EPHA7: variants seen among roughly 807,000 people sequenced by gnomAD.
The protein encoded by EPHA7 is ephrin type-A receptor 7.
In EPHA7, 25 loss-of-function variants were observed where a neutral mutation model predicts 112.6. That is an observed-to-expected ratio of 0.22 (90% confidence interval 0.16 to 0.31). EPHA7 has a LOEUF of 0.31. Ranked by LOEUF, EPHA7 falls within the 10% of genes least tolerant of loss-of-function variation. The probability of loss-of-function intolerance (pLI) is 1.00; values close to 1 mark genes in which losing one functional copy is unlikely to be tolerated. For missense variants in EPHA7, 962 were observed against 1,212.6 expected (o/e 0.79, Z 3.07); for synonymous variants, 437 against 406.5 (o/e 1.07, Z -0.90).
chr6:93,299,572 T>C (rs780673211), intron 5 of EPHA7, among the ~76,000 whole-genome samples: 1 of 152,122 alleles, frequency 6.6e-6, no homozygotes, highest in Non-Finnish European at 1.5e-5. Flanking sequence ...GAAAGCAGTG[T>C]GGTGATTCCT....
At chr6:93,379,035 T>C (rs1427606509) in intron 3 of EPHA7, among the ~76,000 whole-genome samples, 1 of 152,098 alleles carries the variant, frequency 6.6e-6, no homozygotes, top group African/African-American at 2.4e-5. Flanking sequence ...TGAATATGGC[T>C]GAAATGAATA....
rs9445103 is a variant in EPHA7 at position 93,412,683 on chromosome 6, C to T, written c.163-1513G>A. On this transcript the variant is annotated intron_variant, in intron 2 of 16. Transcript: ENST00000369303. ...TAACCAAATTCATCCATTTGGATGG[C>T]TAGATTTCAGTCTCTTAATTAGATT... Among the ~76,000 whole-genome samples, 3 of 151,962 alleles carry T rather than the reference C, an allele frequency of 2.0e-5. No homozygotes were observed. In the East Asian group the frequency reaches 5.8e-4, roughly 29 times the overall value.
In EPHA7 at chr6:93,419,352, C is replaced by T. The variant is rs762860161; in HGVS notation, c.-11G>A. 5 of 1,603,834 alleles carry T rather than the reference C, an allele frequency of 3.1e-6. No homozygotes were observed. The South Asian group carries it at 5.5e-5, about 18-fold the overall frequency. The stretch of plus-strand genomic sequence containing the variant: ...AGTTTGAAAAACCATGGTGCATGAG[C>T]AGGTTTTATTTTAGGTTTCAGTTAT... On this transcript the variant is annotated 5_prime_UTR_variant, in exon 1 of 17. Coordinates refer to ENST00000369303, the MANE Select transcript of EPHA7 (RefSeq NM_004440.4).
rs1770521941 is a variant in EPHA7 at position 93,258,131 on chromosome 6, T to C, written c.2078A>G (p.Asn693Ser). ...AACAACCCCTTCCAAATGGACAACATTCGGGTGGTCAAACTGCCCCATGAT... is the reference window on the plus strand; with the variant it reads ...AACAACCCCTTCCAAATGGACAACACTCGGGTGGTCAAACTGCCCCATGAT... ...ASIMGQFDHP[N>S]VVHLEGVVTR... Residue 693 changes from asparagine to serine, a missense_variant, in exon 11 of 17, where the codon AAT becomes AGT. By Grantham distance (46) the Asn-to-Ser change is conservative. This residue lies in a region of EPHA7 where 746 missense variants were observed against 889.2 expected (regional missense o/e 0.84). Transcript: ENST00000369303. 1.2e-6 allele frequency: 2 copies of C among 1,613,332 alleles called. No individual in the cohort carries two copies. The highest frequency in any genetic ancestry group is 1.3e-5 in the African/African-American group (1 of 74,872).
At chr6:93,301,014 T>C (rs1045645844) in intron 5 of EPHA7, among the ~76,000 whole-genome samples, 1 of 152,174 alleles carries the variant, frequency 6.6e-6, no homozygotes, top group Non-Finnish European at 1.5e-5. Context: ...TAAACATATG[T>C]AAACACAGAA....
intron 5 of EPHA7, among the ~76,000 whole-genome samples, chr6:93,293,078 TA>T (rs1420023378): frequency 8.5e-5 from 13 of 152,110 alleles, no homozygotes; most frequent in East Asian, 1.9e-4. Flanking sequence ...AATATTAAGT[TA>T]AAGATTTTTT....
In EPHA7 at chr6:93,410,602, T is replaced by C. The variant is rs989431209; in HGVS notation, c.731A>G (p.Asn244Ser). Residue 244 changes from asparagine to serine, a missense_variant, in exon 3 of 17, where the codon AAC becomes AGC. Asn to Ser is a conservative substitution (Grantham distance 46). Coordinates refer to ENST00000369303, the MANE Select transcript of EPHA7 (RefSeq NM_004440.4). This position sits in a 1 kb window ranked among gnomAD's most constrained non-coding sequence, Gnocchi z 4.0. ...TGCACTGCAGTGCATCCTGGGGGCG[T>C]TTTCCGCTTCTTCCTCTGCACTGCT... ...CVSSAEEEAE[N>S]APRMHCSAEG... 1.2e-6 allele frequency: 2 copies of C among 1,613,938 alleles called. No homozygotes were observed. Among genetic ancestry groups the C allele is most frequent in the Non-Finnish European group, 8.5e-7 (1 of 1,179,934 alleles).
chr6:93,341,227 C>A lies in EPHA7; in HGVS notation c.1324+15490G>T, dbSNP rs575270515. ...ATATTTTAATTTGATTTTCAGAGAA[C>A]CCCCAGGGTTTCTTGAAATATTCTC... On this transcript the variant is annotated intron_variant, in intron 5 of 16. Coordinates refer to ENST00000369303, the MANE Select transcript of EPHA7 (RefSeq NM_004440.4). Among the ~76,000 whole-genome samples, 12 of 151,946 alleles carry A rather than the reference C, an allele frequency of 7.9e-5. No individual in the cohort carries two copies. In the South Asian group the frequency reaches 1.7e-3, roughly 21 times the overall value.
chr6:93,251,663 G>A (rs1770221882), intron 14 of EPHA7, among the ~76,000 whole-genome samples: 1 of 151,654 alleles, frequency 6.6e-6, no homozygotes, highest in Non-Finnish European at 1.5e-5. Context: ...TTCATAATTT[G>A]AGGGTAAAAA....
intron 5 of EPHA7, among the ~76,000 whole-genome samples, chr6:93,272,814 A>C (rs1771291073): frequency 6.6e-6 from 1 of 152,032 alleles, no homozygotes; most frequent in African/African-American, 2.4e-5. Flanking sequence ...AAAAGAAAAA[A>C]TAATTTAATA....
intron 5 of EPHA7, among the ~76,000 whole-genome samples, chr6:93,305,406 C>T (rs1362983338): frequency 6.6e-6 from 1 of 151,546 alleles, no homozygotes; most frequent in Non-Finnish European, 1.5e-5. Flanking sequence ...ATTATGAATC[C>T]CTATAGGGGT....
chr6:93,260,739 T>G, intron 9 of EPHA7: 1 of 983,050 alleles, frequency 1.0e-6, no homozygotes, highest in Non-Finnish European at 1.2e-6. Context: ...CAATTATTGT[T>G]GCAGTTTATA....
At chr6:93,282,181 C>T (rs1448184526) in intron 5 of EPHA7, among the ~76,000 whole-genome samples, 1 of 152,014 alleles carries the variant, frequency 6.6e-6, no homozygotes, top group East Asian at 1.9e-4. Context: ...GAACAGGGTC[C>T]ATGAGAAGGA....
intron 5 of EPHA7, among the ~76,000 whole-genome samples, chr6:93,310,375 A>G (rs1047288538): frequency 5.3e-5 from 8 of 152,238 alleles, no homozygotes; most frequent in Middle Eastern, 3.2e-3. Context: ...AACTTAAAAA[A>G]CAAAACAAAG....
intron 5 of EPHA7, among the ~76,000 whole-genome samples, chr6:93,315,201 A>C (rs1773752502): frequency 6.6e-6 from 1 of 152,186 alleles, no homozygotes; most frequent in African/African-American, 2.4e-5. Flanking sequence ...TTAAGTGATT[A>C]GTAAGTAAAT....
At chr6:93,375,770 C>G (rs1777029591) in intron 3 of EPHA7, among the ~76,000 whole-genome samples, 1 of 152,108 alleles carries the variant, frequency 6.6e-6, no homozygotes, top group South Asian at 2.1e-4. Flanking sequence ...CTTTGCTACC[C>G]TAAACAGTGA....
chr6:93,359,189 G>A (rs1381355042), intron 3 of EPHA7, among the ~76,000 whole-genome samples: 1 of 152,136 alleles, frequency 6.6e-6, no homozygotes, highest in Non-Finnish European at 1.5e-5. Context: ...AACGAACAGA[G>A]ATGGACAGCG....
rs147962361 is a variant in EPHA7 at position 93,269,526 on chromosome 6, G to C, written c.1584C>G (p.Pro528=). ...CCTCTAGTGTAGCAACATCAAGTCT[G>C]GGACTGTAATTTCCATAACCAGCAG... is the stretch of plus-strand genomic sequence containing the variant. The part of the protein sequence containing the change: ...FTAAGYGNYS[P]RLDVATLEEA... Residue 528 remains proline (P), a synonymous_variant, in exon 7 of 17, where the codon CCC becomes CCG. Coordinates refer to ENST00000369303, the MANE Select transcript of EPHA7 (RefSeq NM_004440.4). 8.1e-6 allele frequency: 13 copies of C among 1,611,022 alleles called. No homozygotes were observed. Among genetic ancestry groups the C allele is most frequent in the Non-Finnish European group, 1.1e-5 (13 of 1,178,216 alleles).
intron 5 of EPHA7, among the ~76,000 whole-genome samples, chr6:93,294,615 ATGT>A (rs1772557871): frequency 6.6e-6 from 1 of 152,256 alleles, no homozygotes; most frequent in East Asian, 1.9e-4. Context: ...TGGTAGTTAA[ATGT>A]TGTTTTATTT....
Sources: gnomAD v4.1 joint callset for allele counts (sites outside exome capture counted in the v4.1 genomes callset) on GRCh38, gnomAD v4.1.1 for gene constraint, gnomAD v4.1.1 regional missense constraint, Gnocchi (gnomAD v3.1) non-coding constraint, MANE v1.5 for transcripts, NCBI Gene and HGNC (gene_info 2026-07-23, HGNC 2026-07-21) for gene names.